Variants in SEMA3A observed in about 807,000 individuals in gnomAD.
SEMA3A encodes the protein semaphorin-3A.
Under a neutral mutation model 97.9 loss-of-function variants are expected in SEMA3A, and 29 were observed. The ratio of observed to expected loss-of-function variants is 0.30; its 90% CI spans 0.22 to 0.40. The LOEUF (loss-of-function observed/expected upper bound fraction) is 0.40, where lower values mean the gene tolerates loss of function less well. Among genes scored for constraint, SEMA3A ranks in the 10% least tolerant of loss-of-function variants. SEMA3A has a pLI of 1.00. For missense variants in SEMA3A, 763 were observed against 951.3 expected (o/e 0.80, Z 2.60); for synonymous variants, 321 against 323.7 (o/e 0.99, Z 0.09).
intron 3 of SEMA3A, among the ~76,000 whole-genome samples, chr7:84,237,234 G>A (rs1465961023): frequency 2.0e-5 from 3 of 152,088 alleles, no homozygotes; most frequent in Admixed American, 2.0e-4. Context: ...GTAGGTAAGT[G>A]AATTTCTGAG....
intron 4 of SEMA3A, among the ~76,000 whole-genome samples, chr7:84,103,830 G>C (rs1353744063): frequency 3.3e-5 from 5 of 152,016 alleles, no homozygotes; most frequent in Non-Finnish European, 7.4e-5. Context: ...GTACCAAACA[G>C]GTGAACAGGC....
At chr7:84,488,606 A>C (rs2116448787) in intron 1 of SEMA3A, among the ~76,000 whole-genome samples, 1 of 152,190 alleles carries the variant, frequency 6.6e-6, no homozygotes, top group South Asian at 2.1e-4. Context: ...CCCTGAGGAG[A>C]CAAACTTTCC....
At chr7:83,984,608 CTTTTTTTTTTTTT>C (rs371082897) in intron 13 of SEMA3A, among the ~76,000 whole-genome samples, 3 of 98,880 alleles carry the variant, frequency 3.0e-5, no homozygotes. Context: ...GATTTTTCTG[CTTTTTTTTTTTTT>C]TTTTTTTTTT....
At chr7:83,992,696 A>C (rs965228155) in intron 12 of SEMA3A, among the ~76,000 whole-genome samples, 1 of 151,636 alleles carries the variant, frequency 6.6e-6, no homozygotes, top group East Asian at 2.0e-4. Flanking sequence ...GTTTGTTATA[A>C]TTTCTGTTCT....
At chr7:84,413,506 T>C (rs1804338765) in intron 1 of SEMA3A, among the ~76,000 whole-genome samples, 1 of 152,122 alleles carries the variant, frequency 6.6e-6, no homozygotes, top group African/African-American at 2.4e-5. Context: ...CATGTGCCTG[T>C]AGTCCCAGCT....
At chr7:84,482,842 A>G (rs760175847) in intron 1 of SEMA3A, among the ~76,000 whole-genome samples, 1 of 150,114 alleles carries the variant, frequency 6.7e-6, no homozygotes, top group Admixed American at 6.7e-5. Flanking sequence ...TCAAAAAGTT[A>G]CATGATAGAC....
chr7:84,385,064 AACAC>A (rs58600722), intron 1 of SEMA3A, among the ~76,000 whole-genome samples: 9,243 of 147,302 alleles, frequency 0.063, 312 homozygotes, highest in African/African-American at 0.078. Flanking sequence ...ACATCCACAA[AACAC>A]ACACACACAC....
intron 3 of SEMA3A, among the ~76,000 whole-genome samples, chr7:84,253,238 T>A (rs536603800): frequency 1.3e-5 from 2 of 152,288 alleles, no homozygotes; most frequent in Admixed American, 1.3e-4. Flanking sequence ...GTAACTTTTT[T>A]ATAACATTAA....
intron 9 of SEMA3A, among the ~76,000 whole-genome samples, chr7:84,010,040 A>AG (rs1484661810): frequency 1.3e-5 from 2 of 151,846 alleles, no homozygotes; most frequent in Non-Finnish European, 2.9e-5. Context: ...ATGTAACCCT[A>AG]GTGCTGTAAT....
chr7:84,034,019 T>C (rs1222888782), intron 6 of SEMA3A, among the ~76,000 whole-genome samples: 2 of 152,038 alleles, frequency 1.3e-5, no homozygotes, highest in African/African-American at 4.8e-5. Context: ...AGTTTTACTC[T>C]GTCATCCAGG....
chr7:84,355,646 C>T (rs73189056), intron 2 of SEMA3A, among the ~76,000 whole-genome samples: 1,628 of 151,944 alleles, frequency 0.011, 22 homozygotes, highest in Non-Finnish European at 0.016. Context: ...CTATATTACT[C>T]TCATCAGTAA....
chr7:84,215,234 G>A (rs1798721216), intron 3 of SEMA3A, among the ~76,000 whole-genome samples: 1 of 151,766 alleles, frequency 6.6e-6, no homozygotes, highest in Non-Finnish European at 1.5e-5. Context: ...TGCCCAGGCT[G>A]GAGTGCAATG....
At chr7:84,243,047 G>A (rs189279693) in intron 3 of SEMA3A, among the ~76,000 whole-genome samples, 10 of 152,168 alleles carry the variant, frequency 6.6e-5, no homozygotes, top group African/African-American at 2.2e-4. Context: ...TACTGGATTC[G>A]GTTAGTATTT....
At chr7:84,041,642 C>T (rs568809803) in intron 6 of SEMA3A, among the ~76,000 whole-genome samples, 3 of 152,156 alleles carry the variant, frequency 2.0e-5, no homozygotes, top group African/African-American at 7.2e-5. Context: ...TCATAGAATA[C>T]ATAATTCAAA....
chr7:84,385,064 A>AACACAC (rs58600722), intron 1 of SEMA3A, among the ~76,000 whole-genome samples: 68 of 147,432 alleles, frequency 4.6e-4, no homozygotes, highest in African/African-American at 8.7e-4. Flanking sequence ...ACATCCACAA[A>AACACAC]ACACACACAC....
chr7:84,021,892 A>C (rs537406185), intron 6 of SEMA3A, among the ~76,000 whole-genome samples: 1 of 152,294 alleles, frequency 6.6e-6, no homozygotes, highest in African/African-American at 2.4e-5. Flanking sequence ...GTTGTCAGTT[A>C]AAGAAATGCT....
At chr7:84,384,134 T>A (rs907147920) in intron 1 of SEMA3A, among the ~76,000 whole-genome samples, 5 of 152,226 alleles carry the variant, frequency 3.3e-5, no homozygotes, top group African/African-American at 1.2e-4. Flanking sequence ...GGTTCCTTGT[T>A]CCATTTATTT....
At chr7:84,433,078 A>C (rs1805027694) in intron 1 of SEMA3A, among the ~76,000 whole-genome samples, 1 of 151,300 alleles carries the variant, frequency 6.6e-6, no homozygotes, top group South Asian at 2.1e-4. Flanking sequence ...CTTTATTATT[A>C]TTATTATTAT....
At chr7:83,981,531 T>C (rs1210408951) in intron 13 of SEMA3A, 53 bp from the exon 14 acceptor site, 3 of 1,396,014 alleles carry the variant, frequency 2.1e-6, no homozygotes, top group Non-Finnish European at 2.9e-6. Flanking sequence ...TTTAAATCTC[T>C]TGTTCTCTTA....
Sources: allele counts gnomAD v4.1 joint callset (sites outside exome capture counted in the v4.1 genomes callset), GRCh38; gene constraint gnomAD v4.1.1; transcripts MANE v1.5; gene names NCBI Gene and HGNC (gene_info 2026-07-23, HGNC 2026-07-21).